PDE3A: variants seen among roughly 807,000 people sequenced by gnomAD.
PDE3A encodes the protein cGMP-inhibited 3',5'-cyclic phosphodiesterase 3A.
In PDE3A, 43 loss-of-function variants were observed where a neutral mutation model predicts 98.3. The ratio of observed to expected loss-of-function variants is 0.44; its 90% CI spans 0.34 to 0.56. The LOEUF is 0.56. Among genes scored for constraint, PDE3A ranks in the 20% least tolerant of loss-of-function variants. The probability of loss-of-function intolerance (pLI) is 0.01; values close to 1 mark genes in which losing one functional copy is unlikely to be tolerated. For missense variants in PDE3A, 1,427 were observed against 1,440.7 expected, an observed-to-expected ratio of 0.99 and a Z score of 0.15; for synonymous variants, 663 against 567.9, an observed-to-expected ratio of 1.17 and a Z score of -2.38.
At chr12:20,611,909 A>T (rs75172504) in intron 2 of PDE3A, among the ~76,000 whole-genome samples, 1 of 151,770 alleles carries the variant, frequency 6.6e-6, no homozygotes, top group South Asian at 2.1e-4. Context: ...AAAAAAAAAA[A>T]TTTATCTACT....
At chr12:20,491,236 CAGGCT>C (rs1344522938) in intron 1 of PDE3A, among the ~76,000 whole-genome samples, 9 of 152,194 alleles carry the variant, frequency 5.9e-5, no homozygotes, top group African/African-American at 1.9e-4. Flanking sequence ...TCTAGCAGTG[CAGGCT>C]TTATTGATGG....
In PDE3A at chr12:20,572,919, T is replaced by C. The variant is rs78005846; in HGVS notation, c.1011+16209T>C. ...TCAGAAATGCCAATATATAATATCT[T>C]CCCCCCATACTGTACTGATTGGTAT... On this transcript the variant is annotated intron_variant, in intron 2 of 15. Transcript: ENST00000359062. Among the ~76,000 whole-genome samples, 1,218 of 152,070 alleles carry C rather than the reference T, an allele frequency of 8.0e-3. 16 individuals carry two copies. The highest frequency in any genetic ancestry group is 0.028 in the African/African-American group (1,167 of 41,490).
chr12:20,677,376 A>G (rs992100395), intron 15 of PDE3A, among the ~76,000 whole-genome samples: 12 of 152,142 alleles, frequency 7.9e-5, no homozygotes, highest in African/African-American at 2.7e-4. Context: ...TGGAGGTGTC[A>G]TATTTTCTTG....
intron 8 of PDE3A, 103 bp downstream of exon 8, chr12:20,635,159 ACC>A: frequency 9.6e-7 from 1 of 1,039,868 alleles, no homozygotes; most frequent in Non-Finnish European, 1.4e-6. Flanking sequence ...GGTGGCTCAC[ACC>A]TGTAATCCCA....
Position 20,569,269 on chromosome 12 carries a change from C to A in PDE3A, c.1011+12559C>A, listed in dbSNP as rs1227030152. 3.3e-5 allele frequency among the ~76,000 whole-genome samples: 5 copies of A among 152,020 alleles called. No individual in the cohort carries two copies. The East Asian group carries it at 9.6e-4, about 29-fold the overall frequency. On this transcript the variant is annotated intron_variant, in intron 2 of 15. Transcript: ENST00000359062. ...TTAATATCAGCTTCATTTAGAGAAA[C>A]TATGAAATTGGAAAACTGATATTAT...
intron 2 of PDE3A, among the ~76,000 whole-genome samples, chr12:20,573,297 T>C (rs58425589): frequency 0.034 from 5,237 of 152,060 alleles, 276 homozygotes; most frequent in African/African-American, 0.12. Context: ...GATAATTTAT[T>C]TACTCAGTTA....
chr12:20,413,267 G>GT (rs1944365513), intron 1 of PDE3A, among the ~76,000 whole-genome samples: 1 of 152,196 alleles, frequency 6.6e-6, no homozygotes, highest in South Asian at 2.1e-4. Flanking sequence ...AACCCAGAGA[G>GT]TTTTCCAAGT....
At chr12:20,494,606 C>T (rs1485576875) in intron 1 of PDE3A, among the ~76,000 whole-genome samples, 1 of 152,018 alleles carries the variant, frequency 6.6e-6, no homozygotes, top group East Asian at 1.9e-4. Flanking sequence ...TTTCTCCTTA[C>T]ATGATAAATT....
intron 1 of PDE3A, among the ~76,000 whole-genome samples, chr12:20,522,164 G>T (rs1332924803): frequency 6.6e-6 from 1 of 152,090 alleles, no homozygotes; most frequent in Non-Finnish European, 1.5e-5. Flanking sequence ...GTTTGCTTAA[G>T]TTTACCCTAC....
intron 1 of PDE3A, among the ~76,000 whole-genome samples, chr12:20,391,286 G>A (rs561723391): frequency 6.6e-6 from 1 of 150,712 alleles, no homozygotes; most frequent in East Asian, 2.0e-4. Context: ...ATATATGTGT[G>A]TATAAATTAG....
chr12:20,523,858 CTCA>C (rs1190894196), intron 1 of PDE3A, among the ~76,000 whole-genome samples: 3 of 152,152 alleles, frequency 2.0e-5, no homozygotes, highest in Non-Finnish European at 4.4e-5. Context: ...TTTAAAATGA[CTCA>C]TCAAGTGCTA....
At chr12:20,599,545 T>G (rs575130739) in intron 2 of PDE3A, among the ~76,000 whole-genome samples, 3 of 152,340 alleles carry the variant, frequency 2.0e-5, no homozygotes, top group African/African-American at 7.2e-5. Flanking sequence ...AGTCAACGTA[T>G]AAAAATTTGT....
intron 1 of PDE3A, among the ~76,000 whole-genome samples, chr12:20,524,421 T>G (rs1406146725): frequency 6.6e-6 from 1 of 152,160 alleles, no homozygotes; most frequent in African/African-American, 2.4e-5. Flanking sequence ...TTCTAGAATG[T>G]GACAAAATTT....
chr12:20,615,016 C>CTTTTTTTTTT (rs11313010), intron 3 of PDE3A, among the ~76,000 whole-genome samples: 7 of 59,128 alleles, frequency 1.2e-4, no homozygotes, highest in African/African-American at 3.0e-4. Context: ...TTCTCTCTTT[C>CTTTTTTTTTT]TTTTTTTTTT....
rs1945621143 is a variant in PDE3A at position 20,675,775 on chromosome 12, T to C, written c.3185-4255T>C. ...TTTCATCTAATATAAGTATAGCTAC[T>C]CTTGCTTTTTTGCTTTTGTTTGCAT... is the stretch of plus-strand genomic sequence containing the variant. On this transcript the variant is annotated intron_variant, in intron 15 of 15. Coordinates refer to ENST00000359062, the MANE Select transcript of PDE3A (RefSeq NM_000921.5). Among the ~76,000 whole-genome samples the C allele has an allele frequency of 3.3e-5, 5 of 152,356 alleles. 1 individual carries two copies. The South Asian group carries it at 1.0e-3, about 32-fold the overall frequency.
intron 2 of PDE3A, among the ~76,000 whole-genome samples, chr12:20,581,705 C>T (rs989207831): frequency 3.5e-4 from 52 of 150,312 alleles, no homozygotes; most frequent in Non-Finnish European, 5.2e-4. Flanking sequence ...CTCCGCCTCC[C>T]GGGTTCACGC....
chr12:20,409,493 A>G (rs1050516327), intron 1 of PDE3A, among the ~76,000 whole-genome samples: 1 of 152,226 alleles, frequency 6.6e-6, no homozygotes, highest in Non-Finnish European at 1.5e-5. Flanking sequence ...ATTTTCTTTC[A>G]GAAATGATCA....
intron 15 of PDE3A, among the ~76,000 whole-genome samples, chr12:20,665,732 T>C (rs2120368936): frequency 6.6e-6 from 1 of 152,284 alleles, no homozygotes; most frequent in Non-Finnish European, 1.5e-5. Context: ...CTTGATTTTT[T>C]ATAGTCATTT....
At chr12:20,473,703 T>C (rs1301169692) in intron 1 of PDE3A, among the ~76,000 whole-genome samples, 1 of 152,062 alleles carries the variant, frequency 6.6e-6, no homozygotes, top group African/African-American at 2.4e-5. Flanking sequence ...TATATATGTT[T>C]ATTTTTGTCT....
Sources: gnomAD v4.1 joint callset for allele counts (sites outside exome capture counted in the v4.1 genomes callset) on GRCh38, gnomAD v4.1.1 for gene constraint, MANE v1.5 for transcripts, NCBI Gene and HGNC (gene_info 2026-07-23, HGNC 2026-07-21) for gene names.